Variants in TMEM61 observed in about 807,000 individuals in gnomAD.
TMEM61 encodes transmembrane protein 61.
A neutral mutation model predicts 12.0 loss-of-function variants in TMEM61; 13 were observed. The ratio of observed to expected loss-of-function variants is 1.08; its 90% CI spans 0.70 to 1.72. TMEM61 has a LOEUF of 1.72. TMEM61 is among the 40% of genes most tolerant of loss of function. The pLI is 0.00. For synonymous variants in TMEM61, 109 were observed against 121.4 expected, an observed-to-expected ratio of 0.90 and a Z score of 0.67; for missense variants, 249 against 276.9, an observed-to-expected ratio of 0.90 and a Z score of 0.71.
rs1422275261 is a variant in TMEM61, at chr1:54,992,018, C to T, written c.548C>T (p.Ala183Val). Residue 183 changes from alanine to valine, a missense_variant, in exon 3 of 3, where the codon GCT becomes GTT. Coordinates refer to ENST00000371268, the MANE Select transcript of TMEM61 (RefSeq NM_182532.3). ...CCCAGCTATGAGAGCATCAGCCTTGCTCTTGATGCCGTTTCTGCGGAGACG... is the reference window on the plus strand; with the variant it reads ...CCCAGCTATGAGAGCATCAGCCTTGTTCTTGATGCCGTTTCTGCGGAGACG... The part of the protein sequence containing the change: ...PPPSYESISL[A>V]LDAVSAETTP... 6.2e-7 allele frequency: 1 copy of T among 1,614,126 alleles called. No homozygotes were observed. Among genetic ancestry groups the T allele is most frequent in the South Asian group, 1.1e-5 (1 of 91,086 alleles).
At chr1:54,983,889 C>T (rs576421745) in intron 1 of TMEM61, among the ~76,000 whole-genome samples, 1 of 151,904 alleles carries the variant, frequency 6.6e-6, no homozygotes, top group African/African-American at 2.4e-5. Context: ...GAGCTGGAGA[C>T]AGGAGGCACT....
chr1:54,991,614 G>A (rs1020244733), intron 2 of TMEM61, among the ~76,000 whole-genome samples: 5 of 152,346 alleles, frequency 3.3e-5, no homozygotes, highest in African/African-American at 1.2e-4. Flanking sequence ...AGCACATACA[G>A]GGAACTAATT....
chr1:54,981,814 T>C (rs1057199225), intron 1 of TMEM61, among the ~76,000 whole-genome samples: 6 of 152,174 alleles, frequency 3.9e-5, no homozygotes, highest in African/African-American at 1.4e-4. Context: ...GGGCAGATGA[T>C]AGATTCAGGC....
Position 54,986,198 on chromosome 1 carries a change from C to G in TMEM61, c.117C>G (p.Ser39Arg), listed in dbSNP as rs201343395. The G allele has an allele frequency of 1.2e-6, 2 of 1,613,706 alleles. No individual in the cohort carries two copies. The highest frequency in any genetic ancestry group is 8.5e-7 in the Non-Finnish European group (1 of 1,179,986). Residue 39 changes from serine to arginine, a missense_variant, in exon 2 of 3, where the codon AGC becomes AGG. Transcript: ENST00000371268. ...GGACGCTCTGCTTCGCTTGGTGGAG[C>G]GAAGGGGATGCAACCGCCCAGCCTG... ...VAGTLCFAWW[S>R]EGDATAQPGQ...
chr1:54,982,003 A>G (rs887503953), intron 1 of TMEM61, among the ~76,000 whole-genome samples: 1 of 152,218 alleles, frequency 6.6e-6, no homozygotes, highest in Non-Finnish European at 1.5e-5. Context: ...GGCGTGGAGA[A>G]GCTGGATCCT....
intron 1 of TMEM61, among the ~76,000 whole-genome samples, chr1:54,982,219 G>C (rs569654463): frequency 1.3e-5 from 2 of 152,174 alleles, no homozygotes; most frequent in African/African-American, 2.4e-5. Context: ...TCTGATTCCC[G>C]GAAAACCCTC....
chr1:54,982,472 C>A (rs529601715), intron 1 of TMEM61, among the ~76,000 whole-genome samples: 1 of 152,178 alleles, frequency 6.6e-6, no homozygotes, highest in Non-Finnish European at 1.5e-5. Context: ...GGACATTGAC[C>A]TTCTCCACCC....
chr1:54,982,226 C>T (rs1644227527), intron 1 of TMEM61, among the ~76,000 whole-genome samples: 3 of 152,082 alleles, frequency 2.0e-5, no homozygotes, highest in Admixed American at 2.0e-4. Flanking sequence ...CCCGGAAAAC[C>T]CTCCTCTGGC....
intron 1 of TMEM61, among the ~76,000 whole-genome samples, chr1:54,981,558 C>T (rs1242814418): frequency 6.6e-6 from 1 of 152,192 alleles, no homozygotes; most frequent in Non-Finnish European, 1.5e-5. Context: ...GCAGAGGGTG[C>T]AATGAGCCGA....
intron 1 of TMEM61, among the ~76,000 whole-genome samples, chr1:54,983,659 G>GAA (rs1644238865): frequency 2.0e-5 from 3 of 152,162 alleles, no homozygotes; most frequent in African/African-American, 7.2e-5. Context: ...CTGCCCACCT[G>GAA]TAGGGAGGCA....
chr1:54,990,094 G>T (rs2101637857), intron 2 of TMEM61, among the ~76,000 whole-genome samples: 1 of 152,254 alleles, frequency 6.6e-6, no homozygotes, highest in South Asian at 2.1e-4. Context: ...AATATTCTCT[G>T]TCCTGCCCTC....
At chr1:54,991,771 G>C in intron 2 of TMEM61, 65 bp from the exon 3 acceptor site, 3 of 1,557,820 alleles carry the variant, frequency 1.9e-6, no homozygotes, top group Non-Finnish European at 2.6e-6. Flanking sequence ...CTTCCTCACT[G>C]TCTCTCTGGC....
At chr1:54,987,737 G>T (rs1231741040) in intron 2 of TMEM61, among the ~76,000 whole-genome samples, 3 of 152,214 alleles carry the variant, frequency 2.0e-5, no homozygotes, top group African/African-American at 7.2e-5. Context: ...GCTAGAAAGT[G>T]GCAGGAGCCT....
chr1:54,980,943 G>T lies in TMEM61; in HGVS notation c.-123G>T. The T allele has an allele frequency of 9.4e-7, 1 of 1,066,512 alleles. No homozygotes were observed. The highest frequency in any genetic ancestry group is 1.3e-6 in the Non-Finnish European group (1 of 777,148). 66.1% of individuals were successfully genotyped at this position (1,066,512 alleles called of 1,614,324 possible). The stretch of plus-strand genomic sequence containing the variant: ...AGGCCCCTCCGCCCCTAACACCCGC[G>T]CCTCCTGCAGACCCGAGGGTCGCCG... On this transcript the variant is annotated 5_prime_UTR_variant, in exon 1 of 3. Coordinates refer to ENST00000371268, the MANE Select transcript of TMEM61 (RefSeq NM_182532.3).
At position 54,986,280 on chromosome 1, in the gene TMEM61, AG is replaced by A. The variant is rs1557475468; in HGVS notation, c.201del (p.Arg67SerfsTer70). 1 of 1,613,984 alleles carries A rather than the reference AG, an allele frequency of 6.2e-7. No homozygotes were observed. Among genetic ancestry groups the A allele is most frequent in the Admixed American group, 1.7e-5 (1 of 60,030 alleles). On this transcript the variant is annotated frameshift_variant, in exon 2 of 3. Coordinates refer to ENST00000371268, the MANE Select transcript of TMEM61 (RefSeq NM_182532.3). LOFTEE classifies it high-confidence loss of function. The part of the protein sequence containing the change: ...PVPEGPSPLL[R>X]SVSFVCCGAG... The stretch of plus-strand genomic sequence containing the variant: ...GCCTGAGGGCCCCAGCCCCCTGCTC[AG>A]GTCCGTCAGCTTCGTCTGCTGCGGT...
chr1:54,988,618 C>G (rs1278534684), intron 2 of TMEM61, among the ~76,000 whole-genome samples: 1 of 152,240 alleles, frequency 6.6e-6, no homozygotes, highest in Non-Finnish European at 1.5e-5. Context: ...GTGGGTAACT[C>G]TAGGTCAGAA....
At position 54,992,271 on chromosome 1, in the gene TMEM61, A is replaced by C; in HGVS notation, c.*168A>C. On this transcript the variant is annotated 3_prime_UTR_variant, in exon 3 of 3. Coordinates refer to ENST00000371268, the MANE Select transcript of TMEM61 (RefSeq NM_182532.3). ...ACCCCAGAATTTAGTGGCTTAAAATAAATCCCATTTTATTATGTCTCACGA... is the reference window on the plus strand; with the variant it reads ...ACCCCAGAATTTAGTGGCTTAAAATCAATCCCATTTTATTATGTCTCACGA... 1 of 821,376 alleles carries C rather than the reference A, an allele frequency of 1.2e-6. No individual in the cohort carries two copies. The highest frequency in any genetic ancestry group is 2.9e-5 in the Admixed American group (1 of 34,896). The allele number at this position is 821,376 out of a possible 1,614,324, so 50.9% of individuals were successfully genotyped here.
Position 54,991,792 on chromosome 1 carries a change from G to A in TMEM61, c.366-44G>A, listed in dbSNP as rs373373486. 199 of 1,594,348 alleles carry A rather than the reference G, an allele frequency of 1.2e-4. 2 individuals are homozygous for A. The South Asian group carries it at 2.2e-3, about 17-fold the overall frequency. On this transcript the variant is annotated intron_variant, in intron 2 of 2. Transcript: ENST00000371268. ...CACTGTCTCTCTGGCAGGCAGCAGG[G>A]TCTGCCCCAGCCCCTGCTAACAGCC...
rs542092111 is a variant in TMEM61 at position 54,989,561 on chromosome 1, C to T, written c.366-2275C>T. 1.1e-4 allele frequency among the ~76,000 whole-genome samples: 16 copies of T among 152,338 alleles called. No individual in the cohort carries two copies. In the South Asian group the frequency reaches 2.5e-3, roughly 24 times the overall value. ...GGACTGCCCCACACAGCTGCCGAGG[C>T]GCCATATCCATGAATGGGGCCTGCT... On this transcript the variant is annotated intron_variant, in intron 2 of 2. Coordinates refer to ENST00000371268, the MANE Select transcript of TMEM61 (RefSeq NM_182532.3).
Sources: gnomAD v4.1 joint callset for allele counts (sites outside exome capture counted in the v4.1 genomes callset) on GRCh38, gnomAD v4.1.1 for gene constraint, MANE v1.5 for transcripts, NCBI Gene and HGNC (gene_info 2026-07-23, HGNC 2026-07-21) for gene names.